The following KCNE1 variants were observed in gnomAD, a reference collection of about 807,000 sequenced individuals.
KCNE1 encodes the protein potassium voltage-gated channel subfamily E regulatory subunit 1.
A neutral mutation model predicts 2.9 loss-of-function variants in KCNE1; 1 was observed. That is an observed-to-expected ratio of 0.34 (90% CI 0.12 to 1.62). The LOEUF is 1.62. Ranked by LOEUF, KCNE1 falls within the 40% of genes most tolerant of loss-of-function variation. The pLI is 0.36. For missense variants in KCNE1, 45 were observed against 150.5 expected, an observed-to-expected ratio of 0.30 and a Z score of 3.67; for synonymous variants, 23 against 65.4, an observed-to-expected ratio of 0.35 and a Z score of 3.13.
At chr21:34,498,443 A>T (rs1982940677) in intron 2 of KCNE1, among the ~76,000 whole-genome samples, 2 of 152,192 alleles carry the variant, frequency 1.3e-5, no homozygotes, top group Non-Finnish European at 2.9e-5. Flanking sequence ...GCTTCCTGGG[A>T]GCCAGACTGC....
At chr21:34,502,566 G>T (rs1983231551) in intron 2 of KCNE1, among the ~76,000 whole-genome samples, 2 of 152,164 alleles carry the variant, frequency 1.3e-5, no homozygotes, top group Admixed American at 1.3e-4. Context: ...ATTCCCTCTT[G>T]TGCCTACCTG....
intron 2 of KCNE1, among the ~76,000 whole-genome samples, chr21:34,496,663 ATC>A (rs1299374871): frequency 2.6e-5 from 4 of 152,210 alleles, no homozygotes; most frequent in African/African-American, 9.6e-5. Context: ...TTCTGTAAAT[ATC>A]TGTTAAGTCC....
intron 2 of KCNE1, among the ~76,000 whole-genome samples, chr21:34,506,832 T>A (rs1320466635): frequency 6.6e-6 from 1 of 152,140 alleles, no homozygotes; most frequent in Non-Finnish European, 1.5e-5. Flanking sequence ...CAGAGACATG[T>A]AGTTCTGCTT....
At chr21:34,497,235 T>G (rs1167890968) in intron 2 of KCNE1, among the ~76,000 whole-genome samples, 2 of 152,194 alleles carry the variant, frequency 1.3e-5, no homozygotes, top group Non-Finnish European at 2.9e-5. Flanking sequence ...TTTCTGTTGT[T>G]GTTGTTGTTT....
intron 2 of KCNE1, among the ~76,000 whole-genome samples, chr21:34,500,637 G>T (rs1459829201): frequency 6.6e-6 from 1 of 151,950 alleles, no homozygotes; most frequent in Non-Finnish European, 1.5e-5. Flanking sequence ...ATTTTTATTG[G>T]TTTTTGGCTT....
intron 2 of KCNE1, among the ~76,000 whole-genome samples, chr21:34,509,059 A>C (rs990451063): frequency 6.6e-6 from 1 of 152,242 alleles, no homozygotes; most frequent in Admixed American, 6.5e-5. Context: ...GGGTCAAAAC[A>C]ACCCAAATTC....
intron 2 of KCNE1, among the ~76,000 whole-genome samples, chr21:34,504,290 C>T (rs894499372): frequency 6.6e-6 from 1 of 152,294 alleles, no homozygotes; most frequent in East Asian, 1.9e-4. Flanking sequence ...TCCTCTCAAA[C>T]CAAACCTAAT....
intron 1 of KCNE1, 98 bp downstream of exon 1, chr21:34,511,929 T>C (rs1983853074): frequency 6.6e-6 from 1 of 152,306 alleles, no homozygotes; most frequent in Non-Finnish European, 1.5e-5. Context: ...AAGGTGACCT[T>C]GCCGCATGGC....
chr21:34,495,764 C>T (rs192184124), intron 2 of KCNE1, among the ~76,000 whole-genome samples: 111 of 152,198 alleles, frequency 7.3e-4, no homozygotes, highest in African/African-American at 2.6e-3. Context: ...TGGATCTTCT[C>T]TCTCCTTTTC....
intron 2 of KCNE1, among the ~76,000 whole-genome samples, chr21:34,495,675 A>G (rs1337687818): frequency 6.6e-6 from 1 of 150,794 alleles, no homozygotes; most frequent in Non-Finnish European, 1.5e-5. Context: ...AAAGGTATTC[A>G]TAGTAGCCTT....
At chr21:34,504,784 A>G (rs970344340) in intron 2 of KCNE1, among the ~76,000 whole-genome samples, 1 of 152,244 alleles carries the variant, frequency 6.6e-6, no homozygotes, top group East Asian at 1.9e-4. Flanking sequence ...GGCTAAGTGA[A>G]AGAAGCCAGT....
intron 2 of KCNE1, among the ~76,000 whole-genome samples, chr21:34,503,526 C>G (rs576560052): frequency 6.6e-6 from 1 of 152,288 alleles, no homozygotes; most frequent in South Asian, 2.1e-4. Context: ...CTCTCCCCAC[C>G]CTGGAGTTTG....
chr21:34,508,482 A>T (rs1983638014), intron 2 of KCNE1, among the ~76,000 whole-genome samples: 1 of 152,118 alleles, frequency 6.6e-6, no homozygotes, highest in Non-Finnish European at 1.5e-5. Context: ...AGCTGGGATT[A>T]CAGGCGCACA....
At chr21:34,511,392 GT>G in intron 1 of KCNE1, 77 bp from the exon 2 acceptor site, 1 of 688,926 alleles carries the variant, frequency 1.5e-6, no homozygotes, top group Non-Finnish European at 1.8e-6. Context: ...AATGGGAGGT[GT>G]TTAGTCATGA....
chr21:34,501,690 G>A (rs1387928458), intron 2 of KCNE1, among the ~76,000 whole-genome samples: 1 of 152,172 alleles, frequency 6.6e-6, no homozygotes, highest in Admixed American at 6.5e-5. Context: ...GAGGGTGTAA[G>A]GGTTGATAGA....
At position 34,501,252 on chromosome 21, in the gene KCNE1, T is replaced by G. The variant is rs545595873; in HGVS notation, c.-162+9849A>C. Reference sequence around the variant, plus strand: ...ACAGCAGAGAGTAGGACCGGGTAAGTCAAGGTTATCCACTATAGTAAGTTA... The same window carrying G: ...ACAGCAGAGAGTAGGACCGGGTAAGGCAAGGTTATCCACTATAGTAAGTTA... On this transcript the variant is annotated intron_variant, in intron 2 of 3. Coordinates refer to ENST00000399286, the MANE Select transcript of KCNE1 (RefSeq NM_000219.6). Among the ~76,000 whole-genome samples the G allele has an allele frequency of 2.0e-5, 3 of 152,278 alleles. No homozygotes were observed. In the South Asian group the frequency reaches 6.2e-4, roughly 32 times the overall value.
At chr21:34,500,434 T>C (rs910478482) in intron 2 of KCNE1, among the ~76,000 whole-genome samples, 2 of 152,256 alleles carry the variant, frequency 1.3e-5, no homozygotes, top group African/African-American at 4.8e-5. Context: ...ATCAGTTTGA[T>C]ATATAGTTGG....
intron 2 of KCNE1, chr21:34,509,689 T>C (rs929957593): frequency 2.7e-4 from 41 of 152,370 alleles, no homozygotes; most frequent in African/African-American, 9.9e-4. Context: ...TCTCCTGACC[T>C]CGTGATCCGC....
At chr21:34,497,201 G>A (rs191267447) in intron 2 of KCNE1, among the ~76,000 whole-genome samples, 1 of 152,120 alleles carries the variant, frequency 6.6e-6, no homozygotes, top group African/African-American at 2.4e-5. Context: ...TCTATTCATT[G>A]TGCTAGTTGT....
Sources: allele counts gnomAD v4.1 joint callset (sites outside exome capture counted in the v4.1 genomes callset), GRCh38; gene constraint gnomAD v4.1.1; transcripts MANE v1.5; gene names NCBI Gene and HGNC (gene_info 2026-07-23, HGNC 2026-07-21).